The following STOX1 variants were observed in gnomAD, a reference collection of about 807,000 sequenced individuals.
STOX1 encodes the protein storkhead box 1, also known as storkhead-box protein 1.
A neutral mutation model predicts 74.8 loss-of-function variants in STOX1; 57 were observed. That is an observed-to-expected ratio of 0.76 (90% CI 0.62 to 0.95). STOX1 has a LOEUF of 0.95. Ranked by LOEUF, STOX1 falls within the 40% of genes least tolerant of loss-of-function variation. The probability of loss-of-function intolerance (pLI) is 0.00; values close to 1 mark genes in which losing one functional copy is unlikely to be tolerated. For missense variants in STOX1, 1,010 were observed against 1,117.0 expected (o/e 0.90, Z 1.37); for synonymous variants, 375 against 401.3 (o/e 0.93, Z 0.78).
chr10:68,887,658 A>G (rs1331583284), intron 3 of STOX1, among the ~76,000 whole-genome samples: 3 of 145,398 alleles, frequency 2.1e-5, no homozygotes, highest in Admixed American at 7.1e-5. Context: ...CAGTGGTGCA[A>G]TCTCTGCTCA....
chr10:68,867,932 G>T (rs1403263542), intron 1 of STOX1, among the ~76,000 whole-genome samples: 1 of 152,258 alleles, frequency 6.6e-6, no homozygotes, highest in Non-Finnish European at 1.5e-5. Context: ...AGCTGCTGAA[G>T]CAGACTCAAA....
chr10:68,829,076 A>G (rs1017361641), intron 1 of STOX1: 2 of 805,998 alleles, frequency 2.5e-6, no homozygotes, highest in African/African-American at 3.7e-5. Context: ...TGTGTTGACA[A>G]GTCACCAGTT....
intron 1 of STOX1, among the ~76,000 whole-genome samples, chr10:68,879,924 T>G (rs1274754629): frequency 6.6e-6 from 1 of 152,172 alleles, no homozygotes; most frequent in Non-Finnish European, 1.5e-5. Context: ...GTAACTTTCC[T>G]GGCTATAGGC....
intron 1 of STOX1, among the ~76,000 whole-genome samples, chr10:68,854,913 T>C (rs565916431): frequency 1.6e-4 from 24 of 152,138 alleles, no homozygotes; most frequent in African/African-American, 5.3e-4. Flanking sequence ...GAGACCAGCC[T>C]GGGCAACATA....
chr10:68,839,624 T>C (rs1589216449), intron 1 of STOX1, among the ~76,000 whole-genome samples: 1 of 152,180 alleles, frequency 6.6e-6, no homozygotes, highest in East Asian at 1.9e-4. Context: ...GCATGGTGGC[T>C]CACGCCTATA....
At chr10:68,858,446 C>T (rs998197312) in intron 1 of STOX1, among the ~76,000 whole-genome samples, 2 of 152,138 alleles carry the variant, frequency 1.3e-5, no homozygotes, top group African/African-American at 2.4e-5. Context: ...AGGGAATTCA[C>T]AGTCTTAAAG....
At position 68,886,330 on chromosome 10, in the gene STOX1, A is replaced by G. The variant is rs188196437; in HGVS notation, c.2534A>G (p.Gln845Arg). The G allele has an allele frequency of 1.9e-6, 3 of 1,614,234 alleles. No homozygotes were observed. Among genetic ancestry groups the G allele is most frequent in the East Asian group, 4.5e-5 (2 of 44,886 alleles). ...GAACCCAGTGTTGCTAAATGTGTACAGGCCTCAGCACCTGCTGATGAAAGA... is the reference window on the plus strand; with the variant it reads ...GAACCCAGTGTTGCTAAATGTGTACGGGCCTCAGCACCTGCTGATGAAAGA... ...EEEPSVAKCV[Q>R]ASAPADERIF... Residue 845 changes from glutamine to arginine, a missense_variant, in exon 3 of 4, where the codon CAG becomes CGG. Coordinates refer to ENST00000298596, the MANE Select transcript of STOX1 (RefSeq NM_152709.5).
intron 1 of STOX1, among the ~76,000 whole-genome samples, chr10:68,863,780 T>C (rs74872137): frequency 2.0e-5 from 3 of 152,054 alleles, no homozygotes; most frequent in East Asian, 1.9e-4. Flanking sequence ...GAACCACATA[T>C]GAAGAATCAG....
chr10:68,883,758 CTTTT>C (rs71028801), intron 2 of STOX1, among the ~76,000 whole-genome samples: 178 of 85,500 alleles, frequency 2.1e-3, no homozygotes, highest in African/African-American at 8.7e-3. Context: ...GCTTCTTTGG[CTTTT>C]TTTTTTTTTT....
chr10:68,868,656 TG>T (rs762759108), intron 1 of STOX1, among the ~76,000 whole-genome samples: 2 of 152,202 alleles, frequency 1.3e-5, no homozygotes, highest in Non-Finnish European at 2.9e-5. Flanking sequence ...CATTCCAGCC[TG>T]GGCAACAAGA....
At chr10:68,841,752 A>T (rs992757080) in intron 1 of STOX1, among the ~76,000 whole-genome samples, 14 of 152,184 alleles carry the variant, frequency 9.2e-5, no homozygotes, top group Middle Eastern at 3.2e-3. Context: ...TCCATCCAAG[A>T]GGCAGGGGAA....
At chr10:68,857,067 A>G (rs1840144322) in intron 1 of STOX1, among the ~76,000 whole-genome samples, 1 of 152,110 alleles carries the variant, frequency 6.6e-6, no homozygotes, top group African/African-American at 2.4e-5. Context: ...GGATTTTAAT[A>G]GTCATCTTTA....
At position 68,886,628 on chromosome 10, in the gene STOX1, T is replaced by C. The variant is rs769476902; in HGVS notation, c.2822+10T>C. 1.9e-6 allele frequency: 3 copies of C among 1,613,286 alleles called. No individual in the cohort carries two copies. Among genetic ancestry groups the C allele is most frequent in the African/African-American group, 1.3e-5 (1 of 75,032 alleles). On this transcript the variant is annotated intron_variant, in intron 3 of 3. Transcript: ENST00000298596. ...GAATAGATTCTCCACGGTAGGTCCA[T>C]ACAAAAGTGTCTGATTTAGGCCGGG...
At chr10:68,851,501 A>G (rs1314199539) in intron 1 of STOX1, among the ~76,000 whole-genome samples, 1 of 152,104 alleles carries the variant, frequency 6.6e-6, no homozygotes, top group Non-Finnish European at 1.5e-5. Context: ...TATGCACTAT[A>G]TGAATGTATG....
chr10:68,874,019 T>TTTA (rs1840615112), intron 1 of STOX1, among the ~76,000 whole-genome samples: 1 of 139,094 alleles, frequency 7.2e-6, no homozygotes, highest in Admixed American at 7.3e-5. Context: ...TAGCCTTTTT[T>TTTA]TTTTTTTTTT....
At chr10:68,881,926 C>A in intron 1 of STOX1, 32 bp from the exon 2 acceptor site, 1 of 1,613,216 alleles carries the variant, frequency 6.2e-7, no homozygotes, top group East Asian at 2.2e-5. Flanking sequence ...TTTATCAACC[C>A]CCTCCCCCTT....
At chr10:68,864,098 G>GT (rs1564579539) in intron 1 of STOX1, among the ~76,000 whole-genome samples, 2 of 151,840 alleles carry the variant, frequency 1.3e-5, no homozygotes, top group African/African-American at 4.8e-5. Flanking sequence ...TAATTTTTTT[G>GT]TATTTTTAGT....
intron 1 of STOX1, among the ~76,000 whole-genome samples, chr10:68,875,839 C>T (rs113580351): frequency 1.3e-4 from 20 of 152,238 alleles, no homozygotes; most frequent in African/African-American, 3.6e-4. Context: ...TATGAATCCA[C>T]GTCCATCCTA....
In STOX1 at chr10:68,827,574, C is replaced by G. The variant is rs1839288620; in HGVS notation, c.-50C>G. On this transcript the variant is annotated 5_prime_UTR_variant, in exon 1 of 4. Transcript: ENST00000298596. ...CGCCGAGCGAGCGGCGTCGTAGCCG[C>G]CGCGCTCGCCGAGGCCCTGCGTTGC... 9.1e-7 allele frequency: 1 copy of G among 1,097,658 alleles called. No homozygotes were observed. The highest frequency in any genetic ancestry group is 4.4e-5 in the South Asian group (1 of 22,766). 68.0% of individuals were successfully genotyped at this position (1,097,658 alleles called of 1,614,324 possible).
Sources: gnomAD v4.1 joint callset for allele counts (sites outside exome capture counted in the v4.1 genomes callset) on GRCh38, gnomAD v4.1.1 for gene constraint, MANE v1.5 for transcripts, NCBI Gene and HGNC (gene_info 2026-07-23, HGNC 2026-07-21) for gene names.